The following SIRT1 variants were observed in gnomAD, a reference collection of about 807,000 sequenced individuals.
SIRT1 encodes the protein sirtuin 1.
SIRT1 carries 24 observed loss-of-function variants against 67.9 expected under a neutral mutation model. The observed-to-expected ratio is 0.35, with a 90% CI of 0.26 to 0.50. SIRT1 has a LOEUF of 0.50. Ranked by LOEUF, SIRT1 falls within the 20% of genes least tolerant of loss-of-function variation. The pLI, the probability that SIRT1 is intolerant of heterozygous loss-of-function variation, is 0.98. For synonymous variants in SIRT1, 378 were observed against 350.7 expected (o/e 1.08, Z -0.87); for missense variants, 873 against 937.2 (o/e 0.93, Z 0.89).
At chr10:67,908,213 T>A in intron 6 of SIRT1, 88 bp downstream of exon 6, 1 of 1,050,184 alleles carries the variant, frequency 9.5e-7, no homozygotes, top group Non-Finnish European at 1.4e-6. Flanking sequence ...CCCTTTAAAG[T>A]ATATATGGTA....
In SIRT1 at chr10:67,885,084, CGACGAA is replaced by C. The variant is rs890101241; in HGVS notation, c.369_374del (p.Glu123_Asp124del). The C allele has an allele frequency of 2.1e-6, 3 of 1,445,400 alleles. No individual in the cohort carries two copies. Among genetic ancestry groups the C allele is most frequent in the African/African-American group, 1.5e-5 (1 of 67,302 alleles). 89.5% of individuals were successfully genotyped at this position (1,445,400 alleles called of 1,614,324 possible). A position where few individuals can be genotyped will look rare whatever the true frequency, so the allele number is the denominator to read the frequency against. Reference sequence around the variant, plus strand: ...AGCCACCGCTGGCCGACAACTTGTACGACGAAGACGACGACGACGAGGGCGAGGAGG... The same window carrying C: ...AGCCACCGCTGGCCGACAACTTGTACGACGACGACGACGAGGGCGAGGAGG... On this transcript the variant is annotated inframe_deletion, in exon 1 of 9. Transcript: ENST00000212015.
intron 2 of SIRT1, among the ~76,000 whole-genome samples, chr10:67,887,757 G>GT (rs1842508545): frequency 6.6e-6 from 1 of 152,118 alleles, no homozygotes; most frequent in African/African-American, 2.4e-5. Context: ...TGAATTTTTA[G>GT]TAGAGACGGG....
intron 4 of SIRT1, among the ~76,000 whole-genome samples, chr10:67,893,978 A>G (rs931368624): frequency 1.6e-4 from 23 of 147,950 alleles, no homozygotes; most frequent in Non-Finnish European, 3.0e-4. Flanking sequence ...GACTGTCTTT[A>G]AAAAAAAAGT....
chr10:67,895,327 C>A (rs755350570), intron 4 of SIRT1, among the ~76,000 whole-genome samples: 1 of 151,968 alleles, frequency 6.6e-6, no homozygotes, highest in East Asian at 1.9e-4. Flanking sequence ...GAGGCTGAGA[C>A]GGGGAGAATT....
chr10:67,887,307 C>A, intron 1 of SIRT1, 110 bp from the exon 2 acceptor site: 1 of 701,452 alleles, frequency 1.4e-6, no homozygotes, highest in Non-Finnish European at 2.6e-6. Flanking sequence ...TTACACACGC[C>A]GTGTAAATGT....
chr10:67,891,277 C>T (rs936037822), intron 3 of SIRT1, 125 bp from the exon 4 acceptor site: 11 of 760,546 alleles, frequency 1.4e-5, no homozygotes, highest in African/African-American at 1.4e-4. Flanking sequence ...ATTTTTATTT[C>T]TTAAAAGAAG....
rs2131889873 is a variant in SIRT1 at position 67,912,704 on chromosome 10, A to C, written c.1588A>C (p.Thr530Pro). 1 of 1,614,128 alleles carries C rather than the reference A, an allele frequency of 6.2e-7. No homozygotes were observed. The highest frequency in any genetic ancestry group is 2.2e-5 in the East Asian group (1 of 44,866). Residue 530 changes from threonine to proline, a missense_variant, in exon 8 of 9, where the codon ACA becomes CCA. Thr to Pro is a conservative substitution (Grantham distance 38). Transcript: ENST00000212015. Reference protein sequence around the residue: ...ELAYLSELPPTPLHVSEDSSS... With the variant: ...ELAYLSELPPPPLHVSEDSSS... ...GGCTTATTTGTCAGAGTTGCCACCC[A>C]CACCTCTTCATGTTTCAGAAGACTC...
At chr10:67,901,247 C>T (rs1842740081) in intron 4 of SIRT1, among the ~76,000 whole-genome samples, 1 of 152,098 alleles carries the variant, frequency 6.6e-6, no homozygotes, top group African/African-American at 2.4e-5. Context: ...ATCCTCCCAC[C>T]TTAGCCTCCT....
At chr10:67,889,900 A>G (rs940574731) in intron 3 of SIRT1, among the ~76,000 whole-genome samples, 2 of 152,172 alleles carry the variant, frequency 1.3e-5, no homozygotes, top group East Asian at 1.9e-4. Context: ...TGAAATCTCT[A>G]TTTGAAATGT....
chr10:67,904,717 G>C (rs1186418049), intron 4 of SIRT1, among the ~76,000 whole-genome samples: 2 of 152,110 alleles, frequency 1.3e-5, no homozygotes, highest in Non-Finnish European at 2.9e-5. Flanking sequence ...GGTGGCACAT[G>C]CCTGTAATCC....
At chr10:67,889,750 G>A (rs980504159) in intron 3 of SIRT1, among the ~76,000 whole-genome samples, 1 of 152,120 alleles carries the variant, frequency 6.6e-6, no homozygotes, top group African/African-American at 2.4e-5. Context: ...TTGCGAAAGG[G>A]TGTTACATAA....
chr10:67,903,112 TTGTTA>T (rs1390088735), intron 4 of SIRT1, among the ~76,000 whole-genome samples: 1 of 152,014 alleles, frequency 6.6e-6, no homozygotes, highest in Non-Finnish European at 1.5e-5. Flanking sequence ...GGTGTGAATT[TTGTTA>T]TGTTGTGCGG....
chr10:67,895,030 T>C (rs1842631090), intron 4 of SIRT1, among the ~76,000 whole-genome samples: 1 of 152,192 alleles, frequency 6.6e-6, no homozygotes. Flanking sequence ...AGTTTTCATT[T>C]ATGGTAATGG....
chr10:67,895,726 T>A (rs1411875154), intron 4 of SIRT1, among the ~76,000 whole-genome samples: 1 of 143,060 alleles, frequency 7.0e-6, no homozygotes, highest in African/African-American at 2.6e-5. Context: ...TTATTGAGAA[T>A]TAACTTGTTT....
chr10:67,909,488 A>G (rs202042715), intron 7 of SIRT1, 46 bp downstream of exon 7: 1 of 1,524,566 alleles, frequency 6.6e-7, no homozygotes, highest in Non-Finnish European at 8.9e-7. Context: ...ATATAATGTC[A>G]TGGGTTGTGG....
At chr10:67,905,604 C>G (rs12266082) in intron 4 of SIRT1, among the ~76,000 whole-genome samples, 2,158 of 152,190 alleles carry the variant, frequency 0.014, 38 homozygotes, top group African/African-American at 0.048. Context: ...AAAAAGTCAT[C>G]TTTAATCTCT....
rs200693988 is a variant in SIRT1 at position 67,891,382 on chromosome 10, T to A, written c.790-20T>A. 127 of 1,611,074 alleles carry A rather than the reference T, an allele frequency of 7.9e-5. No individual in the cohort carries two copies. The Middle Eastern group carries it at 1.2e-3, about 15-fold the overall frequency. ...AAGGTAGAAGATTTAATTTTACAAA[T>A]TATGCCATGCACATTTTAGGTGTCT... On this transcript the variant is annotated intron_variant, in intron 3 of 8. Transcript: ENST00000212015.
intron 4 of SIRT1, among the ~76,000 whole-genome samples, chr10:67,903,349 G>A (rs540580760): frequency 1.3e-5 from 2 of 151,870 alleles, no homozygotes; most frequent in Admixed American, 1.3e-4. Flanking sequence ...AAGAAAGAAA[G>A]GCATAATCTC....
intron 1 of SIRT1, 84 bp downstream of exon 1, chr10:67,885,235 G>A (rs1842457195): frequency 4.8e-6 from 6 of 1,258,926 alleles, no homozygotes; most frequent in African/African-American, 1.5e-5. Context: ...GAGGGCGGCT[G>A]GGGGCTCGGG....
Sources: allele counts gnomAD v4.1 joint callset (sites outside exome capture counted in the v4.1 genomes callset), GRCh38; gene constraint gnomAD v4.1.1; transcripts MANE v1.5; gene names NCBI Gene and HGNC (gene_info 2026-07-23, HGNC 2026-07-21).